C16orf87: variants seen among roughly 807,000 people sequenced by gnomAD.
C16orf87 encodes the protein UPF0547 protein C16orf87.
C16orf87 carries 13 observed loss-of-function variants against 21.0 expected under a neutral mutation model. That is an observed-to-expected ratio of 0.62 (90% CI 0.40 to 0.98). The LOEUF is 0.98. Among genes scored for constraint, C16orf87 ranks in the 50% least tolerant of loss-of-function variants. The probability of loss-of-function intolerance (pLI) is 0.00; values close to 1 mark genes in which losing one functional copy is unlikely to be tolerated. For synonymous variants in C16orf87, 49 were observed against 60.2 expected (o/e 0.81, Z 0.86); for missense variants, 113 against 180.4 (o/e 0.63, Z 2.14).
chr16:46,811,641 G>C (rs993818642), intron 2 of C16orf87, among the ~76,000 whole-genome samples: 1 of 151,590 alleles, frequency 6.6e-6, no homozygotes, highest in Non-Finnish European at 1.5e-5. Context: ...ACAACTAATA[G>C]GAAAAAGAGG....
intron 2 of C16orf87, among the ~76,000 whole-genome samples, chr16:46,822,501 T>C (rs1567315717): frequency 6.6e-6 from 1 of 152,168 alleles, no homozygotes; most frequent in Non-Finnish European, 1.5e-5. Flanking sequence ...ATGAATCCTA[T>C]ACAGCCAACC....
chr16:46,818,022 C>G (rs1959263096), intron 2 of C16orf87, among the ~76,000 whole-genome samples: 3 of 149,494 alleles, frequency 2.0e-5, no homozygotes, highest in Admixed American at 1.3e-4. Flanking sequence ...AGGGAAGATG[C>G]TTCCTTTTCT....
intron 2 of C16orf87, among the ~76,000 whole-genome samples, chr16:46,821,454 G>A (rs1246552687): frequency 6.6e-6 from 1 of 152,078 alleles, no homozygotes; most frequent in Non-Finnish European, 1.5e-5. Context: ...CTTCCTTTCT[G>A]GTTTGGTTTT....
intron 2 of C16orf87, among the ~76,000 whole-genome samples, chr16:46,818,739 G>C (rs751068893): frequency 6.6e-6 from 1 of 151,864 alleles, no homozygotes; most frequent in Non-Finnish European, 1.5e-5. Context: ...ACTCAGGCTG[G>C]AGTGCAGTAG....
In C16orf87 at chr16:46,802,028, A is replaced by C. The variant is rs1967793543; in HGVS notation, c.*924T>G. The C allele has an allele frequency of 6.6e-6, 1 of 152,202 alleles. No individual in the cohort carries two copies. Among genetic ancestry groups the C allele is most frequent in the Non-Finnish European group, 1.5e-5 (1 of 68,018 alleles). 9.4% of individuals were successfully genotyped at this position (152,202 alleles called of 1,614,324 possible). On this transcript the variant is annotated 3_prime_UTR_variant, in exon 4 of 4. Coordinates refer to ENST00000285697, the MANE Select transcript of C16orf87 (RefSeq NM_001001436.4). ...TTCACCAGAACAAAAAACTTTTATC[A>C]CACTATTTAATCTACTTAGTTTCAA...
At chr16:46,810,317 G>A (rs1022824823) in intron 2 of C16orf87, among the ~76,000 whole-genome samples, 1 of 152,132 alleles carries the variant, frequency 6.6e-6, no homozygotes, top group African/African-American at 2.4e-5. Context: ...TTTAGCCACA[G>A]ATAAGGTAAT....
chr16:46,827,854 A>G (rs1473284466), intron 1 of C16orf87, among the ~76,000 whole-genome samples: 1 of 151,336 alleles, frequency 6.6e-6, no homozygotes, highest in South Asian at 2.1e-4. Context: ...AAGTGCTGGG[A>G]TTACAGGTGT....
intron 3 of C16orf87, among the ~76,000 whole-genome samples, chr16:46,805,410 T>C (rs1002634561): frequency 2.7e-4 from 41 of 152,192 alleles, no homozygotes; most frequent in African/African-American, 8.7e-4. Context: ...TTGGGGTTTT[T>C]TGGAATATTT....
chr16:46,820,417 C>T (rs1249345982), intron 2 of C16orf87, among the ~76,000 whole-genome samples: 1 of 152,118 alleles, frequency 6.6e-6, no homozygotes, highest in Non-Finnish European at 1.5e-5. Context: ...ATGTAGAAAT[C>T]ATTTTGTGGG....
At chr16:46,817,628 C>G (rs2143121410) in intron 2 of C16orf87, among the ~76,000 whole-genome samples, 1 of 152,040 alleles carries the variant, frequency 6.6e-6, no homozygotes, top group South Asian at 2.1e-4. Flanking sequence ...GTGGAGGTTG[C>G]AGTAAGCCGA....
At chr16:46,826,623 C>T (rs1352073641) in intron 1 of C16orf87, among the ~76,000 whole-genome samples, 1 of 152,086 alleles carries the variant, frequency 6.6e-6, no homozygotes, top group Admixed American at 6.5e-5. Flanking sequence ...CCAGATTTGT[C>T]TAACAGCTTG....
intron 2 of C16orf87, among the ~76,000 whole-genome samples, chr16:46,821,108 C>T (rs1047416561): frequency 6.6e-6 from 1 of 152,140 alleles, no homozygotes; most frequent in Non-Finnish European, 1.5e-5. Flanking sequence ...TGGGATTATC[C>T]AAGGCAAATC....
At chr16:46,829,839 AT>A (rs1959773638) in intron 1 of C16orf87, among the ~76,000 whole-genome samples, 1 of 151,560 alleles carries the variant, frequency 6.6e-6, no homozygotes, top group African/African-American at 2.4e-5. Context: ...CTGTTAAAAG[AT>A]TTGAAAAACC....
intron 2 of C16orf87, among the ~76,000 whole-genome samples, chr16:46,811,802 G>A (rs1968092747): frequency 6.6e-6 from 1 of 152,132 alleles, no homozygotes. Flanking sequence ...AATCTAGCCA[G>A]GCTCAGTAGC....
intron 2 of C16orf87, among the ~76,000 whole-genome samples, chr16:46,819,136 T>C (rs939289639): frequency 6.6e-6 from 1 of 152,268 alleles, no homozygotes; most frequent in Admixed American, 6.5e-5. Flanking sequence ...ACTTTCATTT[T>C]CAATAAATCC....
intron 2 of C16orf87, among the ~76,000 whole-genome samples, chr16:46,812,523 A>C (rs1398499907): frequency 6.6e-6 from 1 of 152,238 alleles, no homozygotes. Flanking sequence ...AGAGGTAGAC[A>C]GGATTGTGGA....
intron 2 of C16orf87, among the ~76,000 whole-genome samples, chr16:46,818,087 G>A (rs1182566378): frequency 6.6e-6 from 1 of 151,990 alleles, no homozygotes; most frequent in Non-Finnish European, 1.5e-5. Flanking sequence ...TGTTGGCCAG[G>A]TTGATCTTGA....
At chr16:46,809,909 A>C in intron 2 of C16orf87, 124 bp from the exon 3 acceptor site, 2 of 597,236 alleles carry the variant, frequency 3.3e-6, no homozygotes, top group Non-Finnish European at 5.9e-6. Flanking sequence ...ATTTCATAGA[A>C]CTACAACCAT....
At chr16:46,808,685 T>C (rs1967994673) in intron 3 of C16orf87, among the ~76,000 whole-genome samples, 1 of 152,228 alleles carries the variant, frequency 6.6e-6, no homozygotes, top group Admixed American at 6.5e-5. Context: ...TTCATTATAC[T>C]ATTTTCTCTA....
Sources: gnomAD v4.1 joint callset for allele counts (sites outside exome capture counted in the v4.1 genomes callset) on GRCh38, gnomAD v4.1.1 for gene constraint, MANE v1.5 for transcripts, NCBI Gene and HGNC (gene_info 2026-07-23, HGNC 2026-07-21) for gene names.